HERC3: variants seen among roughly 807,000 people sequenced by gnomAD.
HERC3 encodes probable E3 ubiquitin-protein ligase HERC3.
HERC3 carries 58 observed loss-of-function variants against 129.9 expected under a neutral mutation model. The ratio of observed to expected loss-of-function variants is 0.45; its 90% CI spans 0.36 to 0.56. The LOEUF (loss-of-function observed/expected upper bound fraction) is 0.56, where lower values mean the gene tolerates loss of function less well. Ranked by LOEUF, HERC3 falls within the 20% of genes least tolerant of loss-of-function variation. The pLI, the probability that HERC3 is intolerant of heterozygous loss-of-function variation, is 0.00. For missense variants in HERC3, 835 were observed against 1,244.2 expected (o/e 0.67, Z 4.95); for synonymous variants, 430 against 451.0 (o/e 0.95, Z 0.59).
chr4:88,675,864 G>T (rs950240269), intron 16 of HERC3, among the ~76,000 whole-genome samples: 1 of 152,072 alleles, frequency 6.6e-6, no homozygotes, highest in Non-Finnish European at 1.5e-5. Flanking sequence ...AATTTGTATT[G>T]TCCACTTTAC....
chr4:88,664,215 A>G lies in HERC3; in HGVS notation c.1331+3A>G. ...AATGGAAGTTTTCTTGAAAAAAAGT[A>G]AGTGACTTAGAGCCTTAAAAAACCC... On this transcript the variant is annotated splice_donor_region_variant and intron_variant, in intron 12 of 25. Coordinates refer to ENST00000402738, the MANE Select transcript of HERC3 (RefSeq NM_014606.3). The G allele has an allele frequency of 2.5e-6, 4 of 1,612,030 alleles. No homozygotes were observed. The highest frequency in any genetic ancestry group is 3.4e-6 in the Non-Finnish European group (4 of 1,178,334).
Position 88,636,951 on chromosome 4 carries a change from G to A in HERC3, c.227-12889G>A, listed in dbSNP as rs185274820. On this transcript the variant is annotated intron_variant, in intron 3 of 25. Transcript: ENST00000402738. ...AGGAGTTCAGCCTGGGCAAAACAGC[G>A]AAACCCCATCTCTACTAAAATACAA... 2.8e-4 allele frequency among the ~76,000 whole-genome samples: 42 copies of A among 152,148 alleles called. No homozygotes were observed. In the East Asian group the frequency reaches 6.2e-3, roughly 23 times the overall value.
At chr4:88,676,502 AG>A (rs1442518692) in intron 18 of HERC3, 79 bp downstream of exon 18, 5 of 965,706 alleles carry the variant, frequency 5.2e-6, no homozygotes, top group Non-Finnish European at 8.1e-6. Context: ...TTTTTCTAGT[AG>A]GAGAAAACAT....
chr4:88,614,079 G>T (rs1180917008), intron 3 of HERC3, among the ~76,000 whole-genome samples: 3 of 152,164 alleles, frequency 2.0e-5, no homozygotes, highest in Non-Finnish European at 4.4e-5. Context: ...TTAAAAACCT[G>T]CAGTATTACT....
chr4:88,552,678 A>T, the HERC3 span, among the ~76,000 whole-genome samples: 15 of 152,238 alleles, frequency 9.9e-5, 1 homozygote, highest in African/African-American at 3.6e-4. Flanking sequence ...TCTCTTAAAC[A>T]GTTTCATTAC....
intron 3 of HERC3, among the ~76,000 whole-genome samples, chr4:88,628,832 G>GA: frequency 6.6e-6 from 1 of 152,254 alleles, no homozygotes; most frequent in South Asian, 2.1e-4. Context: ...CTGAATAGTT[G>GA]AAAAAATTGT....
At chr4:88,627,546 C>T (rs1415767831) in intron 3 of HERC3, among the ~76,000 whole-genome samples, 1 of 152,000 alleles carries the variant, frequency 6.6e-6, no homozygotes, top group Non-Finnish European at 1.5e-5. Flanking sequence ...ATGGGGGGCC[C>T]TGGAACCAAT....
Position 88,655,863 on chromosome 4 carries a change from A to AT in HERC3, c.909-6dup. On this transcript the variant is annotated splice_polypyrimidine_tract_variant and intron_variant, in intron 8 of 25. Coordinates refer to ENST00000402738, the MANE Select transcript of HERC3 (RefSeq NM_014606.3). Reference sequence around the variant, plus strand: ...AGAAACTATGCTGATGAGTTAAATTATTTTTTCACAGACAACATACCCTAG... The same window carrying AT: ...AGAAACTATGCTGATGAGTTAAATTATTTTTTTCACAGACAACATACCCTAG... 1 of 1,602,702 alleles carries AT rather than the reference A, an allele frequency of 6.2e-7. No individual in the cohort carries two copies. The highest frequency in any genetic ancestry group is 1.1e-5 in the South Asian group (1 of 90,312).
chr4:88,654,251 G>A (rs1729600407), intron 7 of HERC3, 118 bp downstream of exon 7: 1 of 592,582 alleles, frequency 1.7e-6, no homozygotes. Flanking sequence ...GAACTTGAAT[G>A]CTCTCTTTTA....
At position 88,678,039 on chromosome 4, in the gene HERC3, T is replaced by C; in HGVS notation, c.2101T>C (p.Phe701Leu). The C allele has an allele frequency of 6.2e-7, 1 of 1,613,998 alleles. No homozygotes were observed. Residue 701 changes from phenylalanine to leucine, a missense_variant, in exon 19 of 26, where the codon TTC (phenylalanine) becomes CTC (leucine). Transcript: ENST00000402738. ...TLEPLLARSP[F>L]LVLHVRRNNL... ...GGAGCCTCTGCTGGCCAGAAGCCCC[T>C]TCCTGGTCCTTCACGTTCGCAGGAA...
At chr4:88,553,700 C>A in the HERC3 span, among the ~76,000 whole-genome samples, 1 of 152,116 alleles carries the variant, frequency 6.6e-6, no homozygotes, top group South Asian at 2.1e-4. Context: ...ACCACACCCA[C>A]CTAATTTTTG....
Position 88,703,957 on chromosome 4 carries a change from A to C in HERC3, c.2658-141A>C. ...GGGAGGAGAGGAGAGCTGGTAACCTATATGATGCCTTAGGATGCCTCCTGA... is the reference window on the plus strand; with the variant it reads ...GGGAGGAGAGGAGAGCTGGTAACCTCTATGATGCCTTAGGATGCCTCCTGA... On this transcript the variant is annotated intron_variant, in intron 23 of 25. Coordinates refer to ENST00000402738, the MANE Select transcript of HERC3 (RefSeq NM_014606.3). 2.2e-5 allele frequency: 16 copies of C among 727,912 alleles called. No homozygotes were observed. In the South Asian group the frequency reaches 2.9e-4, roughly 13 times the overall value. The allele number at this position is 727,912 out of a possible 1,614,324, so 45.1% of individuals were successfully genotyped here.
chr4:88,691,711 A>G (rs939150687), intron 23 of HERC3, among the ~76,000 whole-genome samples: 1 of 152,198 alleles, frequency 6.6e-6, no homozygotes, highest in Admixed American at 6.5e-5. Context: ...AACAAAGTAC[A>G]TTGAGGTCCT....
At chr4:88,538,407 T>C in the HERC3 span, among the ~76,000 whole-genome samples, 1 of 152,230 alleles carries the variant, frequency 6.6e-6, no homozygotes, top group African/African-American at 2.4e-5. Context: ...ATTTGTTTTC[T>C]GACAATTCTT....
At chr4:88,562,928 G>T in the HERC3 span, among the ~76,000 whole-genome samples, 1 of 152,158 alleles carries the variant, frequency 6.6e-6, no homozygotes, top group Non-Finnish European at 1.5e-5. Flanking sequence ...TTGAAGTCAG[G>T]TAATATGATT....
At chr4:88,614,519 A>C (rs564099775) in intron 3 of HERC3, among the ~76,000 whole-genome samples, 2 of 152,310 alleles carry the variant, frequency 1.3e-5, no homozygotes, top group African/African-American at 4.8e-5. Context: ...TTTAAATACA[A>C]ATATGATCAA....
rs758105882 is a variant in HERC3, at chr4:88,681,362, T to C, written c.2507+37T>C. ...AAAGGCGATTGGTATCTGAAACTGTTGTGGCTGCCTCTGGCATGAGGATTA... is the reference window on the plus strand; with the variant it reads ...AAAGGCGATTGGTATCTGAAACTGTCGTGGCTGCCTCTGGCATGAGGATTA... On this transcript the variant is annotated intron_variant, in intron 21 of 25. Transcript: ENST00000402738. 9 of 1,563,304 alleles carry C rather than the reference T, an allele frequency of 5.8e-6. No individual in the cohort carries two copies. In the African/African-American group the frequency reaches 9.6e-5, roughly 17 times the overall value.
At chr4:88,552,095 G>A in the HERC3 span, among the ~76,000 whole-genome samples, 2 of 149,852 alleles carry the variant, frequency 1.3e-5, no homozygotes, top group African/African-American at 4.9e-5. Flanking sequence ...GAGAACACAT[G>A]GACACAGGAA....
chr4:88,528,372 C>T, the HERC3 span, among the ~76,000 whole-genome samples: 1 of 152,154 alleles, frequency 6.6e-6, no homozygotes, highest in Non-Finnish European at 1.5e-5. Flanking sequence ...AACCTTTCAC[C>T]TACTGATGGC....
Sources: gnomAD v4.1 joint callset for allele counts (sites outside exome capture counted in the v4.1 genomes callset) on GRCh38, gnomAD v4.1.1 for gene constraint, MANE v1.5 for transcripts, NCBI Gene and HGNC (gene_info 2026-07-23, HGNC 2026-07-21) for gene names.